ZWILCH: variants seen among roughly 807,000 people sequenced by gnomAD.
The protein encoded by ZWILCH is zwilch kinetochore protein, also known as protein zwilch homolog.
Under a neutral mutation model 79.9 loss-of-function variants are expected in ZWILCH, and 74 were observed. That is an observed-to-expected ratio of 0.93 (90% CI 0.77 to 1.12). The LOEUF (loss-of-function observed/expected upper bound fraction) is 1.12, where lower values mean the gene tolerates loss of function less well. Among genes scored for constraint, ZWILCH ranks in the 50% most tolerant of loss-of-function variants. The probability of loss-of-function intolerance (pLI) is 0.00; values close to 1 mark genes in which losing one functional copy is unlikely to be tolerated. For missense variants in ZWILCH, 694 were observed against 687.5 expected (o/e 1.01, Z -0.11); for synonymous variants, 241 against 228.2 (o/e 1.06, Z -0.51).
At chr15:66,511,429 G>A (rs1341256414) in intron 2 of ZWILCH, among the ~76,000 whole-genome samples, 2 of 150,784 alleles carry the variant, frequency 1.3e-5, no homozygotes, top group Non-Finnish European at 2.9e-5. Flanking sequence ...GGAGGTTAAG[G>A]CTACAGTGAG....
At chr15:66,509,161 C>G (rs1435824831) in intron 2 of ZWILCH, among the ~76,000 whole-genome samples, 1 of 152,084 alleles carries the variant, frequency 6.6e-6, no homozygotes, top group African/African-American at 2.4e-5. Flanking sequence ...AGGATGGTCT[C>G]GATCTCCTGA....
At chr15:66,531,283 A>G (rs1483389028) in intron 12 of ZWILCH, among the ~76,000 whole-genome samples, 1 of 152,096 alleles carries the variant, frequency 6.6e-6, no homozygotes, top group Non-Finnish European at 1.5e-5. Flanking sequence ...AAGATGTTCA[A>G]TTGTGGAAAA....
intron 17 of ZWILCH, among the ~76,000 whole-genome samples, chr15:66,540,658 T>TC (rs544230935): frequency 1.7e-3 from 257 of 148,998 alleles, no homozygotes; most frequent in African/African-American, 6.1e-3. Flanking sequence ...AGATGGAGTC[T>TC]CCCCCTGTCG....
chr15:66,507,985 C>T (rs975795512), intron 1 of ZWILCH, among the ~76,000 whole-genome samples: 2 of 150,132 alleles, frequency 1.3e-5, no homozygotes, highest in African/African-American at 2.4e-5. Context: ...CTGAGTTATA[C>T]GTAAGACATA....
intron 17 of ZWILCH, among the ~76,000 whole-genome samples, chr15:66,543,335 G>A (rs1000562048): frequency 6.6e-6 from 1 of 152,192 alleles, no homozygotes; most frequent in Non-Finnish European, 1.5e-5. Flanking sequence ...ACATGGAGAC[G>A]GGGACTTAGA....
rs12442140 is a variant in ZWILCH at position 66,536,671 on chromosome 15, C to T, written c.1479-497C>T. Among the ~76,000 whole-genome samples, 72 of 152,022 alleles carry T rather than the reference C, an allele frequency of 4.7e-4. 1 individual carries two copies. Among genetic ancestry groups the T allele is most frequent in the Admixed American group, 1.2e-3 (19 of 15,260 alleles). On this transcript the variant is annotated intron_variant, in intron 15 of 18. Transcript: ENST00000307897. ...TGTACCATTACATTTTCCAAAATTA[C>T]AATTTGCCTCAGTTGTAGAGGGGAA...
At chr15:66,516,921 C>T (rs1441372100) in intron 4 of ZWILCH, among the ~76,000 whole-genome samples, 37 of 152,156 alleles carry the variant, frequency 2.4e-4, no homozygotes, top group Admixed American at 2.4e-3. Context: ...TTTTCTCCAG[C>T]CAGTGTTTGT....
chr15:66,509,988 C>A (rs942562650), intron 2 of ZWILCH, among the ~76,000 whole-genome samples: 1 of 149,516 alleles, frequency 6.7e-6, no homozygotes, highest in African/African-American at 2.4e-5. Flanking sequence ...ACCAGCCTGG[C>A]CAACATGGTG....
At chr15:66,533,106 C>A in intron 14 of ZWILCH, 93 bp downstream of exon 14, 1 of 806,616 alleles carries the variant, frequency 1.2e-6, no homozygotes, top group South Asian at 2.2e-5. Context: ...TAGCCACTGT[C>A]TTAGGTCCTG....
Position 66,517,455 on chromosome 15 carries a change from T to TATATATATAGAGAGAGAG in ZWILCH, c.321-1423_321-1422insTATATATAGAGAGAGAGA, listed in dbSNP as rs1180456312. Reference sequence around the variant, plus strand: ...GTATATATATATATATATATATATATAGTAATGTACACACATACACCATTT... The same window carrying TATATATATAGAGAGAGAG: ...GTATATATATATATATATATATATATATATATATAGAGAGAGAGAGTAATGTACACACATACACCATTT... On this transcript the variant is annotated intron_variant, in intron 4 of 18. Coordinates refer to ENST00000307897, the MANE Select transcript of ZWILCH (RefSeq NM_017975.5). Among the ~76,000 whole-genome samples the TATATATATAGAGAGAGAG allele has an allele frequency of 3.5e-5, 4 of 115,214 alleles. No homozygotes were observed. In the East Asian group the frequency reaches 7.6e-4, roughly 22 times the overall value. The allele number at this position is 115,214 out of a possible 152,430, so 75.6% of individuals were successfully genotyped here.
intron 11 of ZWILCH, 78 bp downstream of exon 11, chr15:66,529,035 T>C: frequency 1.8e-6 from 2 of 1,120,700 alleles, no homozygotes; most frequent in Non-Finnish European, 2.6e-6. Flanking sequence ...TAATACAGTG[T>C]GTACCACTAG....
In ZWILCH at chr15:66,527,906, G is replaced by A. The variant is rs201666467; in HGVS notation, c.963G>A (p.Glu321=). 43 of 1,599,382 alleles carry A rather than the reference G, an allele frequency of 2.7e-5. No homozygotes were observed. Among genetic ancestry groups the A allele is most frequent in the Non-Finnish European group, 3.0e-5 (35 of 1,176,364 alleles). The change falls in exon 10 of 19, where the codon GAG becomes GAA. Residue 321 remains glutamate (E), a synonymous_variant. Coordinates refer to ENST00000307897, the MANE Select transcript of ZWILCH (RefSeq NM_017975.5). ...GTGATTCTACAAAAAAAGACACTGAGGTTGAGGTAAGTGATTATTATCAGT... is the reference window on the plus strand; with the variant it reads ...GTGATTCTACAAAAAAAGACACTGAAGTTGAGGTAAGTGATTATTATCAGT... ...GFGDSTKKDT[E]VETLKHDTAA...
At chr15:66,517,408 T>TTGTGTGCG (rs1458908093) in intron 4 of ZWILCH, among the ~76,000 whole-genome samples, 7 of 44,148 alleles carry the variant, frequency 1.6e-4, no homozygotes, top group Admixed American at 5.5e-4. Context: ...GATTTTGTGT[T>TTGTGTGCG]TGTGTGTGCG....
At chr15:66,511,154 A>G (rs1289931952) in intron 2 of ZWILCH, among the ~76,000 whole-genome samples, 1 of 152,204 alleles carries the variant, frequency 6.6e-6, no homozygotes, top group East Asian at 1.9e-4. Context: ...GGATTCAAAT[A>G]ATAAGAATAT....
Position 66,528,856 on chromosome 15 carries a change from T to C in ZWILCH, c.974T>C (p.Leu325Ser). 6.2e-7 allele frequency: 1 copy of C among 1,613,680 alleles called. No individual in the cohort carries two copies. The highest frequency in any genetic ancestry group is 1.7e-4 in the Middle Eastern group (1 of 6,060). ...TGAAGGTTGCTTCTTTTTCAGACCT[T>C]GAAGCATGACACTGCTGCAGTCGAT... Reference protein sequence around the residue: ...STKKDTEVETLKHDTAAVDRS... With the variant: ...STKKDTEVETSKHDTAAVDRS... The change falls in exon 11 of 19, where the codon TTG becomes TCG. Residue 325 changes from leucine to serine, a missense_variant. Leu to Ser is a moderately radical substitution (Grantham distance 145, BLOSUM62 -2). Coordinates refer to ENST00000307897, the MANE Select transcript of ZWILCH (RefSeq NM_017975.5).
At chr15:66,517,272 G>A (rs1894300486) in intron 4 of ZWILCH, among the ~76,000 whole-genome samples, 1 of 150,424 alleles carries the variant, frequency 6.6e-6, no homozygotes, top group African/African-American at 2.5e-5. Flanking sequence ...TCTCTCTTGT[G>A]TCTCTTTCTA....
At chr15:66,531,998 T>C (rs191498413) in intron 12 of ZWILCH, among the ~76,000 whole-genome samples, 113 of 151,792 alleles carry the variant, frequency 7.4e-4, no homozygotes, top group African/African-American at 2.6e-3. Context: ...ACCTGGGAGG[T>C]AGAGGTTGCT....
chr15:66,527,802 A>G, intron 9 of ZWILCH, 55 bp from the exon 10 acceptor site: 1 of 1,477,182 alleles, frequency 6.8e-7, no homozygotes, highest in Non-Finnish European at 9.3e-7. Flanking sequence ...ATTAGGATGG[A>G]AATAATTTGG....
At chr15:66,546,432 G>A (rs1022633126) in intron 17 of ZWILCH, among the ~76,000 whole-genome samples, 159 bp from the exon 18 acceptor site, 1 of 152,164 alleles carries the variant, frequency 6.6e-6, no homozygotes, top group Admixed American at 6.5e-5. Context: ...TAAAGCAAGT[G>A]TCCTTACTGA....
Sources: allele counts gnomAD v4.1 joint callset (sites outside exome capture counted in the v4.1 genomes callset), GRCh38; gene constraint gnomAD v4.1.1; transcripts MANE v1.5; gene names NCBI Gene and HGNC (gene_info 2026-07-23, HGNC 2026-07-21).